Variants in DNAI4 observed in about 807,000 individuals in gnomAD.
The protein encoded by DNAI4 is dynein axonemal intermediate chain 4.
Under a neutral mutation model 105.8 loss-of-function variants are expected in DNAI4, and 85 were observed. The ratio of observed to expected loss-of-function variants is 0.80; its 90% CI spans 0.67 to 0.96. DNAI4 has a LOEUF of 0.96. Ranked by LOEUF, DNAI4 falls within the 40% of genes least tolerant of loss-of-function variation. DNAI4 has a pLI of 0.00. For missense variants in DNAI4, 1,014 were observed against 1,005.6 expected (o/e 1.01, Z -0.11); for synonymous variants, 352 against 331.5 (o/e 1.06, Z -0.67).
In DNAI4 at chr1:66,836,257, AAAGAAAGAAAG is replaced by A. The variant is rs1263560435; in HGVS notation, c.1582-491_1582-481del. On this transcript the variant is annotated intron_variant, in intron 10 of 16. Coordinates refer to ENST00000371026, the MANE Select transcript of DNAI4 (RefSeq NM_024763.5). ...GAGAAAGAAAGAAAGAGAGAGAGAG[AAAGAAAGAAAG>A]AAAGAAAGAAAGAAAGAAAGAAAGA... Among the ~76,000 whole-genome samples, 84 of 7,290 alleles carry A rather than the reference AAAGAAAGAAAG, an allele frequency of 0.012. 3 individuals carry two copies. The East Asian group carries it at 0.22, about 19-fold the overall frequency. 4.8% of individuals were successfully genotyped at this position (7,290 alleles called of 152,430 possible).
In DNAI4 at chr1:66,827,920, A is replaced by C; in HGVS notation, c.2014-10T>G. 1 of 1,538,896 alleles carries C rather than the reference A, an allele frequency of 6.5e-7. No individual in the cohort carries two copies. Among genetic ancestry groups the C allele is most frequent in the Non-Finnish European group, 8.9e-7 (1 of 1,121,400 alleles). On this transcript the variant is annotated splice_polypyrimidine_tract_variant and intron_variant, in intron 13 of 16. Coordinates refer to ENST00000371026, the MANE Select transcript of DNAI4 (RefSeq NM_024763.5). ...AATAGATATTTGTGTCCTACAACACAAAACATCGAAATGCATTGGCTTGTG... is the reference window on the plus strand; with the variant it reads ...AATAGATATTTGTGTCCTACAACACCAAACATCGAAATGCATTGGCTTGTG...
At chr1:66,837,627 T>C (rs1339051962) in intron 10 of DNAI4, 83 bp downstream of exon 10, 1 of 1,376,300 alleles carries the variant, frequency 7.3e-7, no homozygotes, top group Non-Finnish European at 9.9e-7. Flanking sequence ...TAGACTTTAT[T>C]TAATTATTAC....
chr1:66,903,091 T>A (rs913803780), intron 2 of DNAI4, among the ~76,000 whole-genome samples: 1 of 152,190 alleles, frequency 6.6e-6, no homozygotes, highest in African/African-American at 2.4e-5. Flanking sequence ...ATCACTGGGA[T>A]TTTGGAGGGA....
rs1646128658 is a variant in DNAI4, at chr1:66,840,588, C to T, written c.1375G>A (p.Glu459Lys). Residue 459 changes from glutamate to lysine, a missense_variant, in exon 9 of 17, where the codon GAA becomes AAA. Transcript: ENST00000371026. Reference sequence around the variant, plus strand: ...GTTGATTCTTCTGCATGTATTTCTTCTTCCTCCTCCTTCTTAGATTCTTCC... The same window carrying T: ...GTTGATTCTTCTGCATGTATTTCTTTTTCCTCCTCCTTCTTAGATTCTTCC... ...VEEESKKEEE[E>K]EIHAEESTIP... 1 of 1,614,040 alleles carries T rather than the reference C, an allele frequency of 6.2e-7. No individual in the cohort carries two copies. The highest frequency in any genetic ancestry group is 1.7e-5 in the Admixed American group (1 of 60,002).
intron 8 of DNAI4, among the ~76,000 whole-genome samples, chr1:66,844,103 A>C (rs1043105336): frequency 7.8e-6 from 1 of 127,742 alleles, no homozygotes; most frequent in African/African-American, 2.8e-5. Flanking sequence ...AAAAAAAAAA[A>C]AAAACTTTAA....
Position 66,827,025 on chromosome 1 carries a change from A to G in DNAI4, c.2134T>C (p.Trp712Arg). ...AATACATCATGACAAAATGGATTCCATGTCACTTTATACACTGGACCCTAG... is the reference window on the plus strand; with the variant it reads ...AATACATCATGACAAAATGGATTCCGTGTCACTTTATACACTGGACCCTAG... ...GHKGPVYKVTWNPFCHDVFLS... is the reference protein window; with the variant it reads ...GHKGPVYKVTRNPFCHDVFLS... The change falls in exon 15 of 17, where the codon TGG becomes CGG. Residue 712 changes from tryptophan to arginine, a missense_variant. Transcript: ENST00000371026. 1 of 1,614,090 alleles carries G rather than the reference A, an allele frequency of 6.2e-7. No homozygotes were observed. Among genetic ancestry groups the G allele is most frequent in the Non-Finnish European group, 8.5e-7 (1 of 1,180,004 alleles).
chr1:66,893,279 A>G lies in DNAI4; in HGVS notation c.480T>C (p.Tyr160=), dbSNP rs952392257. ...GSLGSEFISS[Y]SLYQNTINPS... ...GATTTATTGTATTCTGATAAAGGCT[A>G]TAGGAAGATATAAATTCTGATCCAA... is the stretch of plus-strand genomic sequence containing the variant. Residue 160 remains tyrosine (Y), a synonymous_variant, in exon 3 of 17, where the codon TAT becomes TAC. Coordinates refer to ENST00000371026, the MANE Select transcript of DNAI4 (RefSeq NM_024763.5). 3 of 1,609,916 alleles carry G rather than the reference A, an allele frequency of 1.9e-6. No homozygotes were observed. Among genetic ancestry groups the G allele is most frequent in the African/African-American group, 1.3e-5 (1 of 74,724 alleles).
intron 1 of DNAI4, chr1:66,907,125 T>C (rs1474236230): frequency 6.6e-6 from 1 of 152,192 alleles, no homozygotes; most frequent in East Asian, 1.9e-4. Context: ...GTCCAACTTC[T>C]TAAAATGTTA....
At chr1:66,830,780 CAAAA>C (rs1185319040) in intron 13 of DNAI4, among the ~76,000 whole-genome samples, 1 of 135,940 alleles carries the variant, frequency 7.4e-6, no homozygotes, top group African/African-American at 2.8e-5. Context: ...GACCCTGTCT[CAAAA>C]AAAAATAAAT....
chr1:66,854,647 C>T (rs1424804350), intron 7 of DNAI4, among the ~76,000 whole-genome samples: 1 of 151,780 alleles, frequency 6.6e-6, no homozygotes, highest in Non-Finnish European at 1.5e-5. Context: ...ATTAAGAATA[C>T]AAAAATTAGC....
intron 7 of DNAI4, among the ~76,000 whole-genome samples, chr1:66,850,225 A>G (rs1050885801): frequency 6.6e-6 from 1 of 151,984 alleles, no homozygotes; most frequent in African/African-American, 2.4e-5. Context: ...GAATAGCAGC[A>G]GATTTCTCAT....
chr1:66,893,467 A>G, intron 2 of DNAI4, 54 bp from the exon 3 acceptor site: 3 of 1,240,834 alleles, frequency 2.4e-6, no homozygotes, highest in Non-Finnish European at 3.2e-6. Context: ...GGGCTTCTAA[A>G]TAACAGCTGC....
At chr1:66,883,059 T>G (rs1647110996) in intron 4 of DNAI4, among the ~76,000 whole-genome samples, 1 of 152,088 alleles carries the variant, frequency 6.6e-6, no homozygotes, top group Non-Finnish European at 1.5e-5. Flanking sequence ...TGTTGTAGTT[T>G]AATTTCAAAG....
chr1:66,904,986 C>T (rs1649129164), intron 2 of DNAI4: 4 of 414,100 alleles, frequency 9.7e-6, no homozygotes, highest in Non-Finnish European at 1.3e-5. Flanking sequence ...AGACTTTTCT[C>T]ATTCCACTCT....
At chr1:66,875,358 A>T (rs1470724702) in intron 4 of DNAI4, among the ~76,000 whole-genome samples, 1 of 152,046 alleles carries the variant, frequency 6.6e-6, no homozygotes, top group Non-Finnish European at 1.5e-5. Flanking sequence ...TTTATCCTTC[A>T]TTTGCCCTCC....
At chr1:66,923,436 T>C (rs574931680) in intron 1 of DNAI4, among the ~76,000 whole-genome samples, 23 of 152,316 alleles carry the variant, frequency 1.5e-4, no homozygotes, top group African/African-American at 4.3e-4. Context: ...TATTTAGTTA[T>C]GGTAGTGAGG....
chr1:66,849,563 C>G (rs1325291632), intron 7 of DNAI4, among the ~76,000 whole-genome samples: 2 of 152,020 alleles, frequency 1.3e-5, no homozygotes, highest in African/African-American at 4.8e-5. Context: ...GAAAAAAGCC[C>G]CTATACACCA....
At chr1:66,909,037 T>C (rs1649462560) in intron 1 of DNAI4, among the ~76,000 whole-genome samples, 1 of 152,156 alleles carries the variant, frequency 6.6e-6, no homozygotes. Flanking sequence ...TCTACATGCA[T>C]ACCAGATTCC....
At chr1:66,900,704 G>C (rs1224247897) in intron 2 of DNAI4, among the ~76,000 whole-genome samples, 1 of 152,042 alleles carries the variant, frequency 6.6e-6, no homozygotes, top group Admixed American at 6.6e-5. Context: ...ATGGTTCTAT[G>C]CATGTGTCTA....
Sources: allele counts gnomAD v4.1 joint callset (sites outside exome capture counted in the v4.1 genomes callset), GRCh38; gene constraint gnomAD v4.1.1; transcripts MANE v1.5; gene names NCBI Gene and HGNC (gene_info 2026-07-23, HGNC 2026-07-21).